GRID1: variants seen among roughly 807,000 people sequenced by gnomAD.
GRID1 encodes glutamate receptor ionotropic, delta-1.
GRID1 carries 28 observed loss-of-function variants against 98.0 expected under a neutral mutation model. The ratio of observed to expected loss-of-function variants is 0.29; its 90% CI spans 0.21 to 0.39. The LOEUF is 0.39. Among genes scored for constraint, GRID1 ranks in the 10% least tolerant of loss-of-function variants. The pLI is 1.00. For synonymous variants in GRID1, 553 were observed against 538.5 expected, an observed-to-expected ratio of 1.03 and a Z score of -0.37; for missense variants, 1,111 against 1,340.5, an observed-to-expected ratio of 0.83 and a Z score of 2.67.
intron 4 of GRID1, among the ~76,000 whole-genome samples, chr10:85,964,490 A>G (rs964085830): frequency 5.3e-5 from 8 of 152,226 alleles, no homozygotes; most frequent in Admixed American, 1.3e-4. Context: ...AATGTTACAC[A>G]TCTACAACCA....
In GRID1 at chr10:85,955,992, G is replaced by A. The variant is rs189830265; in HGVS notation, c.727-39753C>T. On this transcript the variant is annotated intron_variant, in intron 4 of 15. Coordinates refer to ENST00000327946, the MANE Select transcript of GRID1 (RefSeq NM_017551.3). ...AATTTCTCATGAGCTTGACCCACTC[G>A]AGTCACCTCCAGGCTCCCTGGCAAA... Among the ~76,000 whole-genome samples the A allele has an allele frequency of 9.8e-4, 149 of 152,162 alleles. 5 individuals are homozygous for A. The highest frequency in any genetic ancestry group is 8.3e-3 in the Admixed American group (127 of 15,282).
intron 4 of GRID1, among the ~76,000 whole-genome samples, chr10:86,096,578 G>A (rs112094814): frequency 2.0e-3 from 300 of 152,294 alleles, no homozygotes; most frequent in African/African-American, 6.8e-3. Context: ...ACCATCCGTG[G>A]ACTTATCCTC....
At chr10:86,324,968 G>C (rs982673738) in intron 2 of GRID1, among the ~76,000 whole-genome samples, 3 of 152,024 alleles carry the variant, frequency 2.0e-5, no homozygotes, top group African/African-American at 7.2e-5. Flanking sequence ...GCACTCAAAG[G>C]AACAGGGAGA....
intron 3 of GRID1, among the ~76,000 whole-genome samples, chr10:86,165,331 C>T (rs1845383348): frequency 6.6e-6 from 1 of 152,332 alleles, no homozygotes; most frequent in South Asian, 2.1e-4. Context: ...TGTTGCTCGG[C>T]GCTCAAGGTT....
chr10:85,997,398 C>CAAA (rs35365659), intron 4 of GRID1, among the ~76,000 whole-genome samples: 1 of 137,084 alleles, frequency 7.3e-6, no homozygotes, highest in Admixed American at 7.4e-5. Context: ...GACTCCATCT[C>CAAA]AAAAAAAAAA....
chr10:85,976,800 C>A (rs551547313), intron 4 of GRID1, among the ~76,000 whole-genome samples: 1 of 152,370 alleles, frequency 6.6e-6, no homozygotes, highest in African/African-American at 2.4e-5. Flanking sequence ...GCCTTCAGGA[C>A]TGACAGTCTT....
intron 3 of GRID1, among the ~76,000 whole-genome samples, chr10:86,166,593 T>C (rs1484005703): frequency 6.6e-6 from 1 of 152,202 alleles, no homozygotes. Context: ...GATGAGTAAC[T>C]TGGCACAGCT....
chr10:85,763,368 A>AG (rs1228484384), intron 8 of GRID1, among the ~76,000 whole-genome samples: 1 of 152,186 alleles, frequency 6.6e-6, no homozygotes, highest in Non-Finnish European at 1.5e-5. Flanking sequence ...GGCAGGCTGT[A>AG]GGGGGACCCT....
intron 2 of GRID1, among the ~76,000 whole-genome samples, chr10:86,349,614 A>C (rs1848435944): frequency 6.6e-6 from 1 of 152,246 alleles, no homozygotes; most frequent in Non-Finnish European, 1.5e-5. Context: ...TCTTCAGTGC[A>C]GAAGCTGACC....
chr10:85,971,579 G>C (rs752831509), intron 4 of GRID1, among the ~76,000 whole-genome samples: 1 of 152,064 alleles, frequency 6.6e-6, no homozygotes, highest in Non-Finnish European at 1.5e-5. Context: ...CAAATGGCTG[G>C]TAAGAATGTG....
At chr10:85,790,860 C>G (rs1203034782) in intron 8 of GRID1, among the ~76,000 whole-genome samples, 1 of 152,214 alleles carries the variant, frequency 6.6e-6, no homozygotes, top group African/African-American at 2.4e-5. Flanking sequence ...AGGACCCTCT[C>G]TCCCCAGCTC....
At chr10:86,340,819 G>A (rs1275248402) in intron 2 of GRID1, among the ~76,000 whole-genome samples, 1 of 152,174 alleles carries the variant, frequency 6.6e-6, no homozygotes, top group Non-Finnish European at 1.5e-5. Context: ...GCGGGAAGCT[G>A]CCTGGAGGCG....
chr10:86,339,260 G>T (rs1848275136), intron 2 of GRID1, among the ~76,000 whole-genome samples: 1 of 152,234 alleles, frequency 6.6e-6, no homozygotes, highest in Non-Finnish European at 1.5e-5. Context: ...CTCCTGAGCT[G>T]CAAGGGAAGG....
At chr10:86,257,260 C>T (rs1174560410) in intron 2 of GRID1, among the ~76,000 whole-genome samples, 3 of 152,204 alleles carry the variant, frequency 2.0e-5, no homozygotes, top group African/African-American at 4.8e-5. Context: ...GGCAGAGTCT[C>T]TAGTGATAGG....
intron 3 of GRID1, among the ~76,000 whole-genome samples, chr10:86,191,261 T>G (rs911740450): frequency 6.6e-6 from 1 of 152,116 alleles, no homozygotes; most frequent in Non-Finnish European, 1.5e-5. Flanking sequence ...ACAGCCCACC[T>G]GGCAGGGGAA....
At chr10:85,618,993 G>A (rs1015194359) in intron 14 of GRID1, among the ~76,000 whole-genome samples, 2 of 152,212 alleles carry the variant, frequency 1.3e-5, no homozygotes, top group Admixed American at 6.5e-5. Context: ...AGCCTGGCAC[G>A]ATGCCAGCCT....
chr10:86,226,030 A>G (rs1376356881), intron 2 of GRID1, among the ~76,000 whole-genome samples: 1 of 152,114 alleles, frequency 6.6e-6, no homozygotes, highest in Admixed American at 6.5e-5. Context: ...TCACCTAATG[A>G]AGGTGACAAG....
At chr10:86,228,270 G>A (rs574288366) in intron 2 of GRID1, among the ~76,000 whole-genome samples, 1 of 144,830 alleles carries the variant, frequency 6.9e-6, no homozygotes, top group African/African-American at 2.6e-5. Context: ...AGAGGATGGT[G>A]TGGTGAGGAG....
intron 6 of GRID1, among the ~76,000 whole-genome samples, chr10:85,857,640 A>C (rs1843125396): frequency 6.6e-6 from 1 of 152,224 alleles, no homozygotes. Context: ...AACAACCCTC[A>C]GCCAAAGTGG....
Sources: allele counts gnomAD v4.1 joint callset (sites outside exome capture counted in the v4.1 genomes callset), GRCh38; gene constraint gnomAD v4.1.1; transcripts MANE v1.5; gene names NCBI Gene and HGNC (gene_info 2026-07-23, HGNC 2026-07-21).